Variants in QKI observed in about 807,000 individuals in gnomAD.
The protein encoded by QKI is KH domain-containing RNA-binding protein QKI.
In QKI, 10 loss-of-function variants were observed where a neutral mutation model predicts 39.0. That is an observed-to-expected ratio of 0.26 (90% CI 0.16 to 0.43). The LOEUF (loss-of-function observed/expected upper bound fraction) is 0.43, where lower values mean the gene tolerates loss of function less well. QKI is among the 20% of genes least tolerant of loss of function. The pLI is 1.00. For synonymous variants in QKI, 204 were observed against 155.4 expected, an observed-to-expected ratio of 1.31 and a Z score of -2.33; for missense variants, 218 against 428.0, an observed-to-expected ratio of 0.51 and a Z score of 4.33.
intron 1 of QKI, among the ~76,000 whole-genome samples, chr6:163,451,134 T>G (rs1389749143): frequency 6.6e-6 from 1 of 152,220 alleles, no homozygotes; most frequent in Non-Finnish European, 1.5e-5. Flanking sequence ...AAATCTTCTG[T>G]TGGTGTCTAA....
chr6:163,519,239 A>T (rs1780005814), intron 3 of QKI, among the ~76,000 whole-genome samples: 1 of 152,180 alleles, frequency 6.6e-6, no homozygotes, highest in African/African-American at 2.4e-5. Context: ...AACCTTCAGT[A>T]GCACATAGTA....
intron 3 of QKI, among the ~76,000 whole-genome samples, chr6:163,490,088 A>G (rs778429011): frequency 6.6e-6 from 1 of 152,174 alleles, no homozygotes. Flanking sequence ...CATGAATCCA[A>G]TTGAATAGTA....
intron 2 of QKI, among the ~76,000 whole-genome samples, chr6:163,471,542 G>A (rs1792182909): frequency 6.6e-6 from 1 of 152,090 alleles, no homozygotes; most frequent in South Asian, 2.1e-4. Flanking sequence ...ACTTTCTGAG[G>A]TCCTTGTATT....
intron 7 of QKI, 113 bp from the exon 8 acceptor site, chr6:163,570,577 ATTAG>A (rs974807431): frequency 1.3e-5 from 20 of 1,494,694 alleles, no homozygotes; most frequent in Non-Finnish European, 1.6e-5. Context: ...TTTTTTTTTT[ATTAG>A]TTGTGATTAG....
intron 3 of QKI, among the ~76,000 whole-genome samples, chr6:163,494,689 GTTT>G (rs1778291647): frequency 6.7e-6 from 1 of 148,284 alleles, no homozygotes; most frequent in Non-Finnish European, 1.5e-5. Context: ...TGTTATTGTT[GTTT>G]TTGTGTTTTT....
chr6:163,562,495 T>G (rs990131187), intron 5 of QKI, among the ~76,000 whole-genome samples: 1 of 152,216 alleles, frequency 6.6e-6, no homozygotes, highest in Non-Finnish European at 1.5e-5. Flanking sequence ...CCTTTCACTT[T>G]GCTTGCATGT....
chr6:163,567,224 T>C (rs1262810430), intron 7 of QKI: 1 of 988,064 alleles, frequency 1.0e-6, no homozygotes, highest in Non-Finnish European at 1.2e-6. Context: ...CCTGTGTACT[T>C]TTGGAGAAAA....
chr6:163,563,333 C>A (rs1554279653), intron 5 of QKI, 87 bp from the exon 6 acceptor site: 5 of 1,244,724 alleles, frequency 4.0e-6, no homozygotes, highest in Non-Finnish European at 4.5e-6. Flanking sequence ...TCCTGCTTTT[C>A]CTTTCTTTTT....
intron 3 of QKI, among the ~76,000 whole-genome samples, chr6:163,498,017 TTC>T (rs959223451): frequency 6.6e-6 from 1 of 152,122 alleles, no homozygotes; most frequent in African/African-American, 2.4e-5. Flanking sequence ...CTTTAAAAAT[TTC>T]TGTTACTGTA....
chr6:163,438,689 T>TA (rs1789497466), intron 1 of QKI, among the ~76,000 whole-genome samples: 1 of 151,766 alleles, frequency 6.6e-6, no homozygotes, highest in East Asian at 2.0e-4. Flanking sequence ...ATAAAGCACT[T>TA]ACCATAAATG....
chr6:163,462,223 T>A (rs531732819), intron 2 of QKI, among the ~76,000 whole-genome samples: 126 of 152,324 alleles, frequency 8.3e-4, no homozygotes, highest in African/African-American at 2.8e-3. Flanking sequence ...CCCAAAGTGC[T>A]GGGATTACAG....
intron 3 of QKI, among the ~76,000 whole-genome samples, chr6:163,525,785 G>T (rs987343835): frequency 1.7e-4 from 26 of 152,352 alleles, no homozygotes; most frequent in African/African-American, 6.3e-4. Flanking sequence ...AGGCAGACGA[G>T]TGTCATCTGA....
At chr6:163,541,257 A>G (rs958116050) in intron 4 of QKI, among the ~76,000 whole-genome samples, 3 of 152,004 alleles carry the variant, frequency 2.0e-5, no homozygotes, top group Non-Finnish European at 4.4e-5. Flanking sequence ...GTTTCCAAAT[A>G]TTTGAGACTT....
At position 163,473,149 on chromosome 6, in the gene QKI, T is replaced by C. The variant is rs542544699; in HGVS notation, c.286-5631T>C. Among the ~76,000 whole-genome samples, 4 of 152,318 alleles carry C rather than the reference T, an allele frequency of 2.6e-5. 1 individual carries two copies. In the South Asian group the frequency reaches 8.3e-4, roughly 32 times the overall value. On this transcript the variant is annotated intron_variant, in intron 2 of 7. Coordinates refer to ENST00000361752, the MANE Select transcript of QKI (RefSeq NM_006775.3). The stretch of plus-strand genomic sequence containing the variant: ...CTCCTTAGTCCTTCTTCCAGTCAGC[T>C]GTAAGGTCAGTCAGGTAGTTCTACT...
rs1359616942 is a variant in QKI, at chr6:163,563,598, T to C, written c.813T>C (p.Thr271=). ...AVMPNGTPHP[T]AAIVPPGPEA... ...TGCCAAACGGAACTCCTCACCCAAC[T>C]GCTGCAATAGTTCCTCCAGGGCCCG... Residue 271 remains threonine, a synonymous_variant, in exon 6 of 8, where the codon ACT becomes ACC. Transcript: ENST00000361752. 6.2e-7 allele frequency: 1 copy of C among 1,614,220 alleles called. No individual in the cohort carries two copies. The highest frequency in any genetic ancestry group is 8.5e-7 in the Non-Finnish European group (1 of 1,180,032).
chr6:163,458,287 A>G (rs1465382028), intron 2 of QKI, among the ~76,000 whole-genome samples: 2 of 152,176 alleles, frequency 1.3e-5, no homozygotes, highest in Non-Finnish European at 2.9e-5. Context: ...TCATTTCTGT[A>G]ATGGAGATAT....
At chr6:163,442,736 T>G (rs192829423) in intron 1 of QKI, among the ~76,000 whole-genome samples, 52 of 152,330 alleles carry the variant, frequency 3.4e-4, no homozygotes, top group Admixed American at 1.0e-3. Context: ...GAGTTTAGTC[T>G]TGAATGTATC....
At chr6:163,511,492 C>G (rs1779474328) in intron 3 of QKI, among the ~76,000 whole-genome samples, 1 of 151,640 alleles carries the variant, frequency 6.6e-6, no homozygotes, top group Admixed American at 6.6e-5. Flanking sequence ...CACTAATTAC[C>G]AGTATATTTA....
At chr6:163,478,922 C>G (rs1397776525) in intron 3 of QKI, 26 bp downstream of exon 3, 1 of 1,489,048 alleles carries the variant, frequency 6.7e-7, no homozygotes, top group South Asian at 1.2e-5. Flanking sequence ...TGGACTAAGT[C>G]TTTATGTGAG....
Sources: gnomAD v4.1 joint callset for allele counts (sites outside exome capture counted in the v4.1 genomes callset) on GRCh38, gnomAD v4.1.1 for gene constraint, MANE v1.5 for transcripts, NCBI Gene and HGNC (gene_info 2026-07-23, HGNC 2026-07-21) for gene names.